Variants in ZNF541 observed in about 807,000 individuals in gnomAD.
ZNF541 encodes the protein zinc finger protein 541.
A neutral mutation model predicts 123.5 loss-of-function variants in ZNF541; 23 were observed. That is an observed-to-expected ratio of 0.19 (90% CI 0.13 to 0.26). The LOEUF (loss-of-function observed/expected upper bound fraction) is 0.26, where lower values mean the gene tolerates loss of function less well. Ranked by LOEUF, ZNF541 falls within the 10% of genes least tolerant of loss-of-function variation. The pLI, the probability that ZNF541 is intolerant of heterozygous loss-of-function variation, is 1.00. For synonymous variants in ZNF541, 751 were observed against 754.5 expected, an observed-to-expected ratio of 1.00 and a Z score of 0.08; for missense variants, 1,612 against 1,789.9, an observed-to-expected ratio of 0.90 and a Z score of 1.79.
At chr19:47,559,943 A>G (rs190817016) in intron 2 of ZNF541, among the ~76,000 whole-genome samples, 3 of 151,876 alleles carry the variant, frequency 2.0e-5, no homozygotes, top group Admixed American at 2.0e-4. Flanking sequence ...TCCCTGGCTC[A>G]GCAGTGGTCT....
intron 13 of ZNF541, among the ~76,000 whole-genome samples, 165 bp from the exon 14 acceptor site, chr19:47,529,203 T>C (rs1187117879): frequency 2.0e-5 from 3 of 152,178 alleles, no homozygotes; most frequent in Non-Finnish European, 2.9e-5. Flanking sequence ...GGACCACTAC[T>C]AGCCCCACTT....
intron 10 of ZNF541, 144 bp downstream of exon 10, chr19:47,532,765 T>G (rs1366958467): frequency 3.5e-6 from 2 of 569,578 alleles, no homozygotes; most frequent in Admixed American, 3.5e-5. Flanking sequence ...CCTACATATA[T>G]TTGGAAAAAT....
intron 4 of ZNF541, among the ~76,000 whole-genome samples, chr19:47,548,344 G>A (rs1441603083): frequency 6.7e-6 from 1 of 148,494 alleles, no homozygotes; most frequent in Non-Finnish European, 1.5e-5. Flanking sequence ...TCTGGAGGCT[G>A]AGGCAGGAGA....
At chr19:47,567,307 G>C (rs900113372) in intron 2 of ZNF541, among the ~76,000 whole-genome samples, 1 of 151,954 alleles carries the variant, frequency 6.6e-6, no homozygotes, top group Non-Finnish European at 1.5e-5. Context: ...ACCCAGGCTG[G>C]AGTGTAGTGG....
intron 4 of ZNF541, among the ~76,000 whole-genome samples, chr19:47,548,459 A>G (rs1488107528): frequency 1.3e-5 from 2 of 150,624 alleles, no homozygotes; most frequent in East Asian, 3.9e-4. Context: ...AAAAAAAAAA[A>G]AAGAAAAAAA....
chr19:47,525,252 T>TC (rs1437619548), intron 14 of ZNF541, among the ~76,000 whole-genome samples: 2 of 150,442 alleles, frequency 1.3e-5, no homozygotes, highest in Non-Finnish European at 3.0e-5. Context: ...GCCACTGCAC[T>TC]CCAGCCTGGG....
In ZNF541 at chr19:47,544,832, C is replaced by T. The variant is rs905839231; in HGVS notation, c.1697G>A (p.Arg566Gln). 1.0e-5 allele frequency: 16 copies of T among 1,534,628 alleles called. No individual in the cohort carries two copies. Among genetic ancestry groups the T allele is most frequent in the African/African-American group, 1.4e-5 (1 of 73,028 alleles). The change falls in exon 5 of 17, where the codon CGG becomes CAG. Residue 566 changes from arginine to glutamine, a missense_variant. Around this residue, in one of 5 missense-constraint regions of ZNF541, gnomAD observed 1,080 missense variants for 1,013.8 expected, o/e 1.07. Transcript: ENST00000391901. Reference sequence around the variant, plus strand: ...TGCCACCTGGGCATGGGAGAAGATCCGCTGGGACTTGGTGATCATCTGGAA... The same window carrying T: ...TGCCACCTGGGCATGGGAGAAGATCTGCTGGGACTTGGTGATCATCTGGAA... ...QVFQMITKSQ[R>Q]IFSHAQVAAV...
chr19:47,563,647 C>T (rs918174834), intron 2 of ZNF541, among the ~76,000 whole-genome samples: 3 of 152,154 alleles, frequency 2.0e-5, no homozygotes, highest in African/African-American at 4.8e-5. Context: ...TGCTGTGTCC[C>T]CTAGGCTAGA....
rs765362565 is a variant in ZNF541 at position 47,545,695 on chromosome 19, G to A, written c.834C>T (p.Ile278=). 1 of 1,548,104 alleles carries A rather than the reference G, an allele frequency of 6.5e-7. No individual in the cohort carries two copies. The highest frequency in any genetic ancestry group is 1.2e-5 in the South Asian group (1 of 84,046). ...LLPHRDLLRR[I]VSSIVHQKTP... ...TCTTCTGGTGGACGATGCTACTCAC[G>A]ATGCGGCGCAGGAGGTCCCGGTGGG... Residue 278 remains isoleucine, a synonymous_variant, in exon 5 of 17, where the codon ATC becomes ATT. Coordinates refer to ENST00000391901, the MANE Select transcript of ZNF541 (RefSeq NM_001277075.3). This position sits in a 1 kb window ranked among gnomAD's most constrained non-coding sequence, Gnocchi z 7.5.
chr19:47,542,969 A>AAAAT (rs1395795851), intron 5 of ZNF541, among the ~76,000 whole-genome samples: 2 of 151,934 alleles, frequency 1.3e-5, no homozygotes, highest in African/African-American at 4.8e-5. Context: ...ATAAATTTAA[A>AAAAT]AAATAAAATA....
chr19:47,555,871 A>G lies in ZNF541; in HGVS notation c.-15T>C. ...TACTGGTCCATGGCTCTCCACTGCC[A>G]GGTCTTGGCCAAAAGCTACTCTCCA... is the stretch of plus-strand genomic sequence containing the variant. On this transcript the variant is annotated 5_prime_UTR_variant, in exon 3 of 17. Transcript: ENST00000391901. 3 of 1,537,460 alleles carry G rather than the reference A, an allele frequency of 2.0e-6. No homozygotes were observed. The highest frequency in any genetic ancestry group is 2.6e-6 in the Non-Finnish European group (3 of 1,138,264).
intron 11 of ZNF541, 58 bp from the exon 12 acceptor site, chr19:47,531,803 G>A: frequency 7.0e-7 from 1 of 1,435,802 alleles, no homozygotes. Flanking sequence ...AGGTGCTAGG[G>A]AGGAACCTTT....
chr19:47,537,555 C>T (rs1236403267), intron 9 of ZNF541, among the ~76,000 whole-genome samples: 1 of 133,978 alleles, frequency 7.5e-6, no homozygotes, highest in Non-Finnish European at 1.5e-5. Flanking sequence ...TAGAGTGATA[C>T]TCTGTCTCAA....
At chr19:47,566,827 G>A (rs967680623) in intron 2 of ZNF541, among the ~76,000 whole-genome samples, 16 of 151,834 alleles carry the variant, frequency 1.1e-4, no homozygotes, top group Non-Finnish European at 1.9e-4. Context: ...TGAGGCGGGC[G>A]GATCACAAGG....
At chr19:47,568,384 G>T (rs10415325) in intron 2 of ZNF541, among the ~76,000 whole-genome samples, 1 of 151,860 alleles carries the variant, frequency 6.6e-6, no homozygotes, top group African/African-American at 2.4e-5. Flanking sequence ...TTACTCTGTC[G>T]CCCAGACTGG....
intron 2 of ZNF541, among the ~76,000 whole-genome samples, chr19:47,561,884 A>C (rs761952358): frequency 6.6e-6 from 1 of 152,214 alleles, no homozygotes; most frequent in Non-Finnish European, 1.5e-5. Flanking sequence ...AAGCAGAAAC[A>C]ACCAAGCCTG....
At chr19:47,524,349 C>G (rs1380382212) in intron 14 of ZNF541, among the ~76,000 whole-genome samples, 2 of 152,138 alleles carry the variant, frequency 1.3e-5, no homozygotes, top group African/African-American at 4.8e-5. Flanking sequence ...ACCAGAGACA[C>G]AGGTGTTAGA....
In ZNF541 at chr19:47,545,431, T is replaced by C. The variant is rs552725664; in HGVS notation, c.1098A>G (p.Pro366=). Residue 366 remains proline, a synonymous_variant, in exon 5 of 17, where the codon CCA becomes CCG. Coordinates refer to ENST00000391901, the MANE Select transcript of ZNF541 (RefSeq NM_001277075.3). This position sits in a 1 kb window ranked among gnomAD's most constrained non-coding sequence, Gnocchi z 7.5. ...GCAGCGCGGTATCTGGCTCCGGCTC[T>C]GGCGGGTCGGGGGCGCCGTTCTCGG... The part of the protein sequence containing the change: ...RAAENGAPDP[P]EPEPDTALLQ... 1.3e-6 allele frequency: 2 copies of C among 1,482,028 alleles called. No homozygotes were observed. The highest frequency in any genetic ancestry group is 2.7e-5 in the South Asian group (2 of 73,572). 91.8% of individuals were successfully genotyped at this position (1,482,028 alleles called of 1,614,324 possible).
intron 6 of ZNF541, 113 bp from the exon 7 acceptor site, chr19:47,540,448 T>TC (rs1162387694): frequency 1.9e-5 from 23 of 1,226,686 alleles, no homozygotes; most frequent in Non-Finnish European, 2.5e-5. Context: ...CTGACTTTTT[T>TC]TTTTTTTTGG....
Sources: gnomAD v4.1 joint callset for allele counts (sites outside exome capture counted in the v4.1 genomes callset) on GRCh38, gnomAD v4.1.1 for gene constraint, gnomAD v4.1.1 regional missense constraint, Gnocchi (gnomAD v3.1) non-coding constraint, MANE v1.5 for transcripts, NCBI Gene and HGNC (gene_info 2026-07-23, HGNC 2026-07-21) for gene names.